Variants in DMXL1 observed in about 807,000 individuals in gnomAD.
DMXL1 encodes the protein dmX-like protein 1.
Under a neutral mutation model 319.2 loss-of-function variants are expected in DMXL1, and 99 were observed. The observed-to-expected ratio is 0.31, with a 90% CI of 0.26 to 0.37. DMXL1 has a LOEUF of 0.37. Ranked by LOEUF, DMXL1 falls within the 10% of genes least tolerant of loss-of-function variation. The pLI is 1.00. For synonymous variants in DMXL1, 1,385 were observed against 1,235.2 expected (o/e 1.12, Z -2.54); for missense variants, 3,745 against 3,595.6 (o/e 1.04, Z -1.06).
At chr5:119,089,055 C>G (rs1302196790) in intron 1 of DMXL1, among the ~76,000 whole-genome samples, 4 of 151,022 alleles carry the variant, frequency 2.6e-5, no homozygotes, top group African/African-American at 9.7e-5. Context: ...TTTTGCAAGT[C>G]TTAATGGTGG....
At chr5:119,221,125 T>A in intron 37 of DMXL1, 44 bp downstream of exon 37, 2 of 1,444,174 alleles carry the variant, frequency 1.4e-6, no homozygotes, top group Non-Finnish European at 1.9e-6. Context: ...GTAACTTTTA[T>A]TTTTCCCTCT....
chr5:119,191,622 G>A (rs186625864), intron 29 of DMXL1, among the ~76,000 whole-genome samples: 1 of 152,264 alleles, frequency 6.6e-6, no homozygotes, highest in African/African-American at 2.4e-5. Flanking sequence ...AATATTTAGT[G>A]TCTGCCCTTC....
At chr5:119,221,277 A>T (rs1311918275) in intron 37 of DMXL1, among the ~76,000 whole-genome samples, 196 bp downstream of exon 37, 3 of 152,184 alleles carry the variant, frequency 2.0e-5, no homozygotes, top group African/African-American at 7.2e-5. Flanking sequence ...TTGTTTTAAA[A>T]ATATACTTTG....
rs1307594539 is a variant in DMXL1, at chr5:119,247,280, T to C, written c.*61T>C. On this transcript the variant is annotated 3_prime_UTR_variant, in exon 44 of 44. Coordinates refer to ENST00000539542, the MANE Select transcript of DMXL1 (RefSeq NM_001290321.3). Reference sequence around the variant, plus strand: ...ATGGAAGTGGCCAACAGATATAATATACAGTGATCATTCTCTATGCCACAA... The same window carrying C: ...ATGGAAGTGGCCAACAGATATAATACACAGTGATCATTCTCTATGCCACAA... The C allele has an allele frequency of 2.6e-6, 3 of 1,137,800 alleles. No individual in the cohort carries two copies. The highest frequency in any genetic ancestry group is 2.4e-5 in the East Asian group (1 of 40,954). 70.5% of individuals were successfully genotyped at this position (1,137,800 alleles called of 1,614,324 possible). A position where few individuals can be genotyped will look rare whatever the true frequency, so the allele number is the denominator to read the frequency against.
At chr5:119,213,903 C>T (rs1783224271) in intron 34 of DMXL1, among the ~76,000 whole-genome samples, 1 of 152,140 alleles carries the variant, frequency 6.6e-6, no homozygotes, top group Non-Finnish European at 1.5e-5. Context: ...TGTTTCCTCA[C>T]TTAGTTTCCA....
At chr5:119,194,296 G>T (rs1232816217) in intron 30 of DMXL1, among the ~76,000 whole-genome samples, 1 of 152,080 alleles carries the variant, frequency 6.6e-6, no homozygotes, top group Admixed American at 6.6e-5. Flanking sequence ...ATTATACCTT[G>T]CATTTTGGGC....
chr5:119,246,723 T>A (rs1353430965), intron 43 of DMXL1, among the ~76,000 whole-genome samples: 1 of 141,668 alleles, frequency 7.1e-6, no homozygotes, highest in Non-Finnish European at 1.5e-5. Context: ...AAACTCCACC[T>A]CCCGGGTCGA....
chr5:119,159,161 C>G (rs778834635), intron 19 of DMXL1, among the ~76,000 whole-genome samples: 114 of 151,856 alleles, frequency 7.5e-4, no homozygotes, highest in Non-Finnish European at 7.7e-4. Flanking sequence ...GACAGAGTCT[C>G]GCTTCTGTCA....
chr5:119,084,300 A>G (rs1332999367), intron 1 of DMXL1, among the ~76,000 whole-genome samples: 1 of 151,886 alleles, frequency 6.6e-6, no homozygotes, highest in East Asian at 2.0e-4. Flanking sequence ...TTGTATTTAT[A>G]GTAGAGACGG....
chr5:119,158,754 C>T (rs146902909), intron 19 of DMXL1, among the ~76,000 whole-genome samples: 1 of 152,130 alleles, frequency 6.6e-6, no homozygotes, highest in South Asian at 2.1e-4. Context: ...ATGGTTTTGT[C>T]CTTAATTTTG....
chr5:119,094,271 T>G (rs374443280), intron 1 of DMXL1, among the ~76,000 whole-genome samples: 4 of 152,342 alleles, frequency 2.6e-5, no homozygotes, highest in African/African-American at 9.6e-5. Flanking sequence ...AACTTTAAGT[T>G]GAAGCCCATG....
intron 1 of DMXL1, among the ~76,000 whole-genome samples, chr5:119,091,030 TTAAC>T (rs1443212713): frequency 6.6e-6 from 1 of 152,144 alleles, no homozygotes; most frequent in Non-Finnish European, 1.5e-5. Context: ...AATCTGTTTA[TTAAC>T]TTTTTCTGAT....
intron 1 of DMXL1, among the ~76,000 whole-genome samples, chr5:119,091,297 A>G (rs1754754406): frequency 6.6e-6 from 1 of 151,844 alleles, no homozygotes; most frequent in Non-Finnish European, 1.5e-5. Flanking sequence ...GCCTTAATTT[A>G]CCAGCTCAAG....
intron 19 of DMXL1, among the ~76,000 whole-genome samples, chr5:119,162,446 G>T (rs1397515392): frequency 6.6e-6 from 1 of 152,098 alleles, no homozygotes; most frequent in Non-Finnish European, 1.5e-5. Context: ...CAGCAGATTT[G>T]GTGTCTGGTA....
chr5:119,084,592 T>C (rs1752924612), intron 1 of DMXL1, among the ~76,000 whole-genome samples: 1 of 152,118 alleles, frequency 6.6e-6, no homozygotes, highest in African/African-American at 2.4e-5. Context: ...GGCTGGGTGC[T>C]GTGGCTCATG....
chr5:119,071,438 A>G lies in DMXL1; in HGVS notation c.-132A>G, dbSNP rs1269324365. ...GCCCCAGCTGAGCGGCTCCGGCTCC[A>G]GGCGCCTGTCGCTGCTTCTGCCGTC... is the stretch of plus-strand genomic sequence containing the variant. On this transcript the variant is annotated 5_prime_UTR_variant, in exon 1 of 44. Transcript: ENST00000539542. The G allele has an allele frequency of 1.7e-5, 15 of 882,654 alleles. No homozygotes were observed. Among genetic ancestry groups the G allele is most frequent in the Admixed American group, 6.3e-5 (3 of 47,272 alleles). The allele number at this position is 882,654 out of a possible 1,614,324, so 54.7% of individuals were successfully genotyped here. A position where few individuals can be genotyped will look rare whatever the true frequency, so the allele number is the denominator to read the frequency against.
At chr5:119,089,948 C>G (rs1484053901) in intron 1 of DMXL1, among the ~76,000 whole-genome samples, 1 of 123,736 alleles carries the variant, frequency 8.1e-6, no homozygotes, top group Admixed American at 8.7e-5. Context: ...TTAGGATTTT[C>G]TCTTTGTCCT....
chr5:119,082,010 TATATATATATACACACAC>T (rs1260321473), intron 1 of DMXL1, among the ~76,000 whole-genome samples: 1 of 77,146 alleles, frequency 1.3e-5, no homozygotes, highest in African/African-American at 3.4e-5. Flanking sequence ...TATATATATA[TATATATATATACACACAC>T]ACACACACAC....
At chr5:119,158,205 G>GT (rs762291035) in intron 19 of DMXL1, among the ~76,000 whole-genome samples, 1,625 of 128,970 alleles carry the variant, frequency 0.013, 10 homozygotes, top group Non-Finnish European at 0.016. Flanking sequence ...TATTTCTAAG[G>GT]TTTTTTTTTT....
Sources: gnomAD v4.1 joint callset for allele counts (sites outside exome capture counted in the v4.1 genomes callset) on GRCh38, gnomAD v4.1.1 for gene constraint, MANE v1.5 for transcripts, NCBI Gene and HGNC (gene_info 2026-07-23, HGNC 2026-07-21) for gene names.